The following PEBP4 variants were observed in gnomAD, a reference collection of about 807,000 sequenced individuals.
PEBP4 encodes the protein phosphatidylethanolamine-binding protein 4.
PEBP4 carries 22 observed loss-of-function variants against 23.9 expected under a neutral mutation model. The ratio of observed to expected loss-of-function variants is 0.92; its 90% CI spans 0.66 to 1.31. The LOEUF (loss-of-function observed/expected upper bound fraction) is 1.31, where lower values mean the gene tolerates loss of function less well. Ranked by LOEUF, PEBP4 falls within the 40% of genes most tolerant of loss-of-function variation. PEBP4 has a pLI of 0.00. For missense variants in PEBP4, 324 were observed against 281.7 expected, an observed-to-expected ratio of 1.15 and a Z score of -1.07; for synonymous variants, 112 against 99.3, an observed-to-expected ratio of 1.13 and a Z score of -0.76.
intron 3 of PEBP4, among the ~76,000 whole-genome samples, chr8:22,858,250 T>A (rs1807697639): frequency 6.6e-6 from 1 of 152,176 alleles, no homozygotes; most frequent in Non-Finnish European, 1.5e-5. Flanking sequence ...CTTTCTCAGA[T>A]GTTGGGCAGC....
Position 22,832,972 on chromosome 8 carries a change from G to A in PEBP4, c.259-15237C>T, listed in dbSNP as rs949317295. ...CACTGGACAACAAGGGGCAGCCCCC[G>A]TGCCCCAGAGCCCACCAGAATTATT... is the stretch of plus-strand genomic sequence containing the variant. On this transcript the variant is annotated intron_variant, in intron 3 of 6. Coordinates refer to ENST00000256404, the MANE Select transcript of PEBP4 (RefSeq NM_144962.3). 6.7e-5 allele frequency among the ~76,000 whole-genome samples: 10 copies of A among 149,700 alleles called. No homozygotes were observed. The East Asian group carries it at 1.9e-3, about 28-fold the overall frequency.
intron 3 of PEBP4, among the ~76,000 whole-genome samples, chr8:22,821,098 TG>T (rs1806848275): frequency 6.6e-6 from 1 of 151,756 alleles, no homozygotes; most frequent in Admixed American, 6.6e-5. Flanking sequence ...GAGGCTGAAG[TG>T]GAAGGATCGC....
chr8:22,757,481 C>T (rs180801235), intron 4 of PEBP4: 2 of 152,550 alleles, frequency 1.3e-5, no homozygotes, highest in Admixed American at 1.3e-4. Context: ...ACCTCATTCC[C>T]TCTCCCAGAG....
Position 22,713,303 on chromosome 8 carries a change from G to A in PEBP4, c.*67C>T. ...AAAGAAGGGGTTCTGTATCCAGAGG[G>A]GGTTCCATACCCACATCGTCGGTGG... On this transcript the variant is annotated 3_prime_UTR_variant, in exon 7 of 7. Transcript: ENST00000256404. 1 of 1,506,180 alleles carries A rather than the reference G, an allele frequency of 6.6e-7. No homozygotes were observed. The highest frequency in any genetic ancestry group is 8.9e-7 in the Non-Finnish European group (1 of 1,129,486). The allele number at this position is 1,506,180 out of a possible 1,614,324, so 93.3% of individuals were successfully genotyped here. A position where few individuals can be genotyped will look rare whatever the true frequency, so the allele number is the denominator to read the frequency against.
intron 6 of PEBP4, among the ~76,000 whole-genome samples, chr8:22,722,913 T>C (rs1804547507): frequency 6.6e-6 from 1 of 151,152 alleles, no homozygotes; most frequent in Non-Finnish European, 1.5e-5. Flanking sequence ...GCTGGGACTA[T>C]AGGCGCCCAC....
At chr8:22,798,886 C>T (rs542726734) in intron 4 of PEBP4, among the ~76,000 whole-genome samples, 6 of 151,304 alleles carry the variant, frequency 4.0e-5, no homozygotes, top group Non-Finnish European at 7.4e-5. Context: ...TACAGTTGCC[C>T]GACACCATGC....
intron 3 of PEBP4, among the ~76,000 whole-genome samples, chr8:22,866,201 C>T (rs1020652366): frequency 2.6e-5 from 4 of 152,232 alleles, no homozygotes; most frequent in Admixed American, 6.5e-5. Flanking sequence ...ACTAAGAAAA[C>T]TTAATTATCA....
At chr8:22,886,285 G>A (rs949825051) in intron 3 of PEBP4, 1 of 152,190 alleles carries the variant, frequency 6.6e-6, no homozygotes, top group Non-Finnish European at 1.5e-5. Context: ...GAGGCGAAAG[G>A]CGGCTCTTCC....
At chr8:22,793,313 C>T (rs1806177891) in intron 4 of PEBP4, among the ~76,000 whole-genome samples, 1 of 152,122 alleles carries the variant, frequency 6.6e-6, no homozygotes. Flanking sequence ...GTCACCTAGG[C>T]TGGAGTGCAG....
chr8:22,767,307 T>A (rs1341631697), intron 4 of PEBP4, among the ~76,000 whole-genome samples: 1 of 152,242 alleles, frequency 6.6e-6, no homozygotes, highest in East Asian at 1.9e-4. Context: ...GGACCAGCAG[T>A]TGTGAGATGT....
At chr8:22,931,716 TG>T (rs1039073116), upstream of PEBP4, among the ~76,000 whole-genome samples, 51 of 152,308 alleles carry the variant, frequency 3.3e-4, no homozygotes, top group African/African-American at 1.2e-3. Flanking sequence ...TCCAAGTAGC[TG>T]GGATTACAGG....
chr8:22,750,208 T>A (rs984527783), intron 4 of PEBP4, among the ~76,000 whole-genome samples: 2 of 152,018 alleles, frequency 1.3e-5, no homozygotes, highest in African/African-American at 4.8e-5. Context: ...TTCAAGCAAT[T>A]CTCCTGCCTC....
chr8:22,845,872 C>G (rs1157059041), intron 3 of PEBP4, among the ~76,000 whole-genome samples: 1 of 152,250 alleles, frequency 6.6e-6, no homozygotes, highest in Non-Finnish European at 1.5e-5. Flanking sequence ...TGGCACGGGC[C>G]TGGCCCGGCA....
At chr8:22,860,398 C>A (rs950971748) in intron 3 of PEBP4, among the ~76,000 whole-genome samples, 4 of 152,002 alleles carry the variant, frequency 2.6e-5, no homozygotes, top group African/African-American at 9.7e-5. Flanking sequence ...TCCCTCTCCC[C>A]CCAGCTCCTG....
intron 2 of PEBP4, chr8:22,925,425 G>C (rs2128781693): frequency 1.4e-6 from 1 of 711,348 alleles, no homozygotes; most frequent in African/African-American, 1.9e-5. Context: ...CTACTTTTAA[G>C]CTATGTAAAC....
rs150783507 is a variant in PEBP4, at chr8:22,729,471, G to C, written c.358-2251C>G. On this transcript the variant is annotated intron_variant, in intron 4 of 6. Coordinates refer to ENST00000256404, the MANE Select transcript of PEBP4 (RefSeq NM_144962.3). ...CAGGCAAGGGTGGGGGCCAGGGCCA[G>C]TCAGATCAGGGAGCTGGTTTGTGCA... Among the ~76,000 whole-genome samples, 130 of 152,384 alleles carry C rather than the reference G, an allele frequency of 8.5e-4. 3 individuals carry two copies. The East Asian group carries it at 0.02, about 24-fold the overall frequency.
chr8:22,921,662 G>C (rs946959238), intron 2 of PEBP4, among the ~76,000 whole-genome samples: 1 of 152,260 alleles, frequency 6.6e-6, no homozygotes, highest in African/African-American at 2.4e-5. Context: ...TGGTCTCAGA[G>C]AGTGGAAGCC....
intron 4 of PEBP4, among the ~76,000 whole-genome samples, chr8:22,799,954 C>T (rs899097010): frequency 6.6e-6 from 1 of 152,122 alleles, no homozygotes; most frequent in Non-Finnish European, 1.5e-5. Flanking sequence ...GGAACCAACC[C>T]AAATGTCCAT....
intron 2 of PEBP4, chr8:22,925,092 G>A: frequency 2.0e-6 from 2 of 985,244 alleles, no homozygotes; most frequent in Non-Finnish European, 2.4e-6. Flanking sequence ...TCTCCTCAGG[G>A]GTCCGATCTG....
Sources: gnomAD v4.1 joint callset for allele counts (sites outside exome capture counted in the v4.1 genomes callset) on GRCh38, gnomAD v4.1.1 for gene constraint, MANE v1.5 for transcripts, NCBI Gene and HGNC (gene_info 2026-07-23, HGNC 2026-07-21) for gene names.